Variants in ZCCHC24 observed in about 807,000 individuals in gnomAD.
The protein encoded by ZCCHC24 is zinc finger CCHC-type containing 24.
ZCCHC24 carries 10 observed loss-of-function variants against 26.2 expected under a neutral mutation model. The ratio of observed to expected loss-of-function variants is 0.38; its 90% CI spans 0.24 to 0.65. ZCCHC24 has a LOEUF of 0.65. Among genes scored for constraint, ZCCHC24 ranks in the 30% least tolerant of loss-of-function variants. The pLI is 0.54. For missense variants in ZCCHC24, 243 were observed against 329.1 expected (o/e 0.74, Z 2.03); for synonymous variants, 144 against 147.1 (o/e 0.98, Z 0.15).
At chr10:79,423,591 A>ATTTTATATATATATATATATATATTT (rs373110200) in intron 2 of ZCCHC24, among the ~76,000 whole-genome samples, 11 of 49,626 alleles carry the variant, frequency 2.2e-4, no homozygotes, top group East Asian at 1.2e-3. Context: ...CTATATATAT[A>ATTTTATATATATATATATATATATTT]TATATATATA....
At chr10:79,393,915 C>T (rs1856509798) in intron 3 of ZCCHC24, among the ~76,000 whole-genome samples, 1 of 152,198 alleles carries the variant, frequency 6.6e-6, no homozygotes, top group Admixed American at 6.5e-5. Context: ...GCTGGCCCTA[C>T]CCCTCCCACA....
chr10:79,419,506 A>G (rs1856910952), intron 2 of ZCCHC24, among the ~76,000 whole-genome samples: 1 of 152,156 alleles, frequency 6.6e-6, no homozygotes, highest in Non-Finnish European at 1.5e-5. Context: ...CCCAGCCAGA[A>G]CCTTCCCCGG....
chr10:79,393,416 T>TA (rs1856503942), intron 3 of ZCCHC24, among the ~76,000 whole-genome samples: 1 of 152,210 alleles, frequency 6.6e-6, no homozygotes, highest in South Asian at 2.1e-4. Flanking sequence ...ACTGTTCTCC[T>TA]AGGCTCCTGT....
At chr10:79,399,743 G>A (rs574158880) in intron 2 of ZCCHC24, among the ~76,000 whole-genome samples, 62 of 152,328 alleles carry the variant, frequency 4.1e-4, no homozygotes, top group African/African-American at 1.4e-3. Flanking sequence ...AGCAGAGAAG[G>A]CAGCGCTGCA....
chr10:79,416,905 C>T (rs1454381829), intron 2 of ZCCHC24, among the ~76,000 whole-genome samples: 1 of 152,102 alleles, frequency 6.6e-6, no homozygotes, highest in East Asian at 1.9e-4. Flanking sequence ...AGTGAGCGCT[C>T]CCTGTGCGTG....
chr10:79,393,029 CT>C (rs1856500568), intron 3 of ZCCHC24, among the ~76,000 whole-genome samples: 1 of 152,200 alleles, frequency 6.6e-6, no homozygotes, highest in African/African-American at 2.4e-5. Context: ...TCCACACCCC[CT>C]GGTTCTCCTT....
chr10:79,414,043 T>G (rs1475338729), intron 2 of ZCCHC24, among the ~76,000 whole-genome samples: 1 of 152,204 alleles, frequency 6.6e-6, no homozygotes, highest in East Asian at 1.9e-4. Context: ...CCGTGGGGTC[T>G]CTGTTCTCCC....
intron 2 of ZCCHC24, among the ~76,000 whole-genome samples, chr10:79,402,715 A>G (rs1856653001): frequency 6.6e-6 from 1 of 152,198 alleles, no homozygotes; most frequent in African/African-American, 2.4e-5. Flanking sequence ...AGGAGAGCAA[A>G]CTGAGGTACA....
At chr10:79,399,783 C>A (rs910270240) in intron 2 of ZCCHC24, among the ~76,000 whole-genome samples, 1 of 152,354 alleles carries the variant, frequency 6.6e-6, no homozygotes, top group South Asian at 2.1e-4. Flanking sequence ...GCCCCCCGGG[C>A]AAGCCAGCGG....
intron 2 of ZCCHC24, among the ~76,000 whole-genome samples, chr10:79,407,764 T>G (rs909977447): frequency 6.6e-6 from 1 of 152,110 alleles, no homozygotes; most frequent in Non-Finnish European, 1.5e-5. Context: ...GAGCTGGGAG[T>G]GGAGCGCAGG....
At chr10:79,442,887 G>A (rs995335354) in intron 1 of ZCCHC24, among the ~76,000 whole-genome samples, 2 of 152,172 alleles carry the variant, frequency 1.3e-5, no homozygotes, top group African/African-American at 4.8e-5. Context: ...TGGGTGGGGG[G>A]TGAGGATGAG....
chr10:79,427,410 C>T (rs1314237479), intron 2 of ZCCHC24, among the ~76,000 whole-genome samples: 1 of 152,212 alleles, frequency 6.6e-6, no homozygotes, highest in African/African-American at 2.4e-5. Flanking sequence ...GCACACAAAA[C>T]ATTCTCCAGA....
intron 2 of ZCCHC24, chr10:79,403,551 C>A (rs976095097): frequency 3.0e-6 from 3 of 985,394 alleles, no homozygotes; most frequent in South Asian, 4.7e-5. Context: ...GGCTGGGCCG[C>A]GGCCTGCAGG....
At chr10:79,413,820 C>T (rs998056891) in intron 2 of ZCCHC24, among the ~76,000 whole-genome samples, 16 of 150,706 alleles carry the variant, frequency 1.1e-4, no homozygotes, top group East Asian at 3.9e-4. Flanking sequence ...GGAGGTGCTT[C>T]GGATGTGATA....
intron 2 of ZCCHC24, among the ~76,000 whole-genome samples, chr10:79,395,402 T>A (rs1856532830): frequency 6.6e-6 from 1 of 152,252 alleles, no homozygotes; most frequent in African/African-American, 2.4e-5. Flanking sequence ...CTATAATGAA[T>A]AACTTCATAT....
At chr10:79,413,779 TGA>T (rs35633486) in intron 2 of ZCCHC24, among the ~76,000 whole-genome samples, 39,940 of 146,428 alleles carry the variant, frequency 0.27, 5,764 homozygotes, top group South Asian at 0.4. Context: ...TGTGTGTGTG[TGA>T]GAGAGAGAGA....
chr10:79,401,199 C>T (rs1266530720), intron 2 of ZCCHC24, among the ~76,000 whole-genome samples: 3 of 152,216 alleles, frequency 2.0e-5, no homozygotes, highest in South Asian at 2.1e-4. Flanking sequence ...CTATAGGCCT[C>T]GATACCTCCC....
At chr10:79,402,316 C>G (rs1030155951) in intron 2 of ZCCHC24, among the ~76,000 whole-genome samples, 1 of 152,194 alleles carries the variant, frequency 6.6e-6, no homozygotes, top group South Asian at 2.1e-4. Flanking sequence ...CGCTCTGTCA[C>G]CCAGGCTGGA....
intron 2 of ZCCHC24, among the ~76,000 whole-genome samples, chr10:79,419,463 T>G (rs1329809819): frequency 6.6e-6 from 1 of 152,232 alleles, no homozygotes; most frequent in Non-Finnish European, 1.5e-5. Context: ...GGGGCTCTCC[T>G]GTTCTTACTG....
Sources: allele counts gnomAD v4.1 joint callset (sites outside exome capture counted in the v4.1 genomes callset), GRCh38; gene constraint gnomAD v4.1.1; transcripts MANE v1.5; gene names NCBI Gene and HGNC (gene_info 2026-07-23, HGNC 2026-07-21).